FHIT: variants seen among roughly 807,000 people sequenced by gnomAD.
FHIT encodes the protein bis(5'-adenosyl)-triphosphatase.
FHIT carries 19 observed loss-of-function variants against 17.9 expected under a neutral mutation model. The observed-to-expected ratio is 1.06, with a 90% CI of 0.74 to 1.56. The LOEUF is 1.56. Among genes scored for constraint, FHIT ranks in the 40% most tolerant of loss-of-function variants. FHIT has a pLI of 0.00. For synonymous variants in FHIT, 81 were observed against 69.7 expected, an observed-to-expected ratio of 1.16 and a Z score of -0.81; for missense variants, 248 against 189.2, an observed-to-expected ratio of 1.31 and a Z score of -1.82.
rs576285399 is a variant in FHIT at position 60,566,357 on chromosome 3, C to T, written c.-17-29378G>A. On this transcript the variant is annotated intron_variant, in intron 4 of 9. Transcript: ENST00000492590. ...ATATAAACAGAACCAACGACAAAAACCACATGATTATCTCAATAGATGCAG... is the reference window on the plus strand; with the variant it reads ...ATATAAACAGAACCAACGACAAAAATCACATGATTATCTCAATAGATGCAG... Among the ~76,000 whole-genome samples, 25 of 152,124 alleles carry T rather than the reference C, an allele frequency of 1.6e-4. 1 individual carries two copies. Among genetic ancestry groups the T allele is most frequent in the African/African-American group, 6.0e-4 (25 of 41,478 alleles).
chr3:60,291,236 T>C (rs893142332), intron 5 of FHIT, among the ~76,000 whole-genome samples: 4 of 152,034 alleles, frequency 2.6e-5, no homozygotes, highest in Admixed American at 6.6e-5. Flanking sequence ...GTTTTATAGA[T>C]ACCTGGTGAG....
chr3:60,415,055 T>A (rs926700507), intron 5 of FHIT, among the ~76,000 whole-genome samples: 2 of 152,140 alleles, frequency 1.3e-5, no homozygotes, highest in African/African-American at 2.4e-5. Flanking sequence ...CCCGGGAATG[T>A]GCACTTTAAT....
chr3:60,638,948 T>C (rs2039657936), intron 4 of FHIT, among the ~76,000 whole-genome samples: 2 of 148,748 alleles, frequency 1.3e-5, no homozygotes, highest in Admixed American at 6.8e-5. Context: ...TATGAATGAA[T>C]AACTTCATAC....
At chr3:60,292,255 T>C (rs1196821744) in intron 5 of FHIT, among the ~76,000 whole-genome samples, 3 of 152,128 alleles carry the variant, frequency 2.0e-5, no homozygotes, top group Admixed American at 1.3e-4. Flanking sequence ...TGTTAAAAAG[T>C]CTTTTTTTAA....
At chr3:61,206,450 G>C (rs1053289919) in intron 1 of FHIT, among the ~76,000 whole-genome samples, 74 of 151,952 alleles carry the variant, frequency 4.9e-4, no homozygotes, top group African/African-American at 1.8e-3. Context: ...CTACCCATGG[G>C]CATGGAATGT....
chr3:60,601,188 G>A lies in FHIT; in HGVS notation c.-17-64209C>T, dbSNP rs1226343312. On this transcript the variant is annotated intron_variant, in intron 4 of 9. Coordinates refer to ENST00000492590, the MANE Select transcript of FHIT (RefSeq NM_002012.4). ...AATAGGATCTCGGAAGATACAGCAG[G>A]GATCAGGTCGCCCAGTGTGGGCTGC... Among the ~76,000 whole-genome samples the A allele has an allele frequency of 1.8e-4, 28 of 152,308 alleles. No individual in the cohort carries two copies. In the East Asian group the frequency reaches 3.7e-3, roughly 20 times the overall value.
intron 3 of FHIT, among the ~76,000 whole-genome samples, chr3:60,920,094 T>C (rs1247449663): frequency 6.6e-6 from 1 of 152,112 alleles, no homozygotes; most frequent in Non-Finnish European, 1.5e-5. Context: ...CATTCACTTC[T>C]ATGTGAGTTT....
intron 5 of FHIT, among the ~76,000 whole-genome samples, chr3:60,320,645 A>C (rs920398394): frequency 4.6e-5 from 7 of 152,200 alleles, no homozygotes; most frequent in African/African-American, 7.2e-5. Context: ...TCAGACATTC[A>C]CATAAATCTT....
intron 4 of FHIT, among the ~76,000 whole-genome samples, chr3:60,806,879 G>C (rs75855609): frequency 2.6e-5 from 4 of 152,184 alleles, no homozygotes; most frequent in African/African-American, 7.2e-5. Flanking sequence ...CCATCAAGGG[G>C]TGAGGCCAAC....
At chr3:61,246,918 G>A (rs1008268370) in intron 1 of FHIT, among the ~76,000 whole-genome samples, 2 of 152,016 alleles carry the variant, frequency 1.3e-5, no homozygotes, top group African/African-American at 4.8e-5. Context: ...CACCTCTGCA[G>A]CCTTATTCTC....
At chr3:59,870,702 G>A (rs1702878266) in intron 8 of FHIT, among the ~76,000 whole-genome samples, 1 of 152,144 alleles carries the variant, frequency 6.6e-6, no homozygotes, top group Admixed American at 6.5e-5. Context: ...AAACCAGGGA[G>A]CCCAGCCTCT....
At chr3:60,903,651 A>C (rs1400978103) in intron 3 of FHIT, among the ~76,000 whole-genome samples, 1 of 152,248 alleles carries the variant, frequency 6.6e-6, no homozygotes, top group African/African-American at 2.4e-5. Flanking sequence ...GCTGTCATAT[A>C]ATATTATCAC....
Position 61,086,245 on chromosome 3 carries a change from T to G in FHIT, c.-163-44146A>C, listed in dbSNP as rs1040802759. Among the ~76,000 whole-genome samples, 6 of 152,160 alleles carry G rather than the reference T, an allele frequency of 3.9e-5. No individual in the cohort carries two copies. In the East Asian group the frequency reaches 5.8e-4, roughly 15 times the overall value. ...TTTGCTGTAGTTTTTAAAAAATATA[T>G]AGAGAGTCTTTATTAAGGATGTTTA... On this transcript the variant is annotated intron_variant, in intron 2 of 9. Coordinates refer to ENST00000492590, the MANE Select transcript of FHIT (RefSeq NM_002012.4).
At chr3:60,771,063 G>A (rs781916223) in intron 4 of FHIT, among the ~76,000 whole-genome samples, 1 of 152,168 alleles carries the variant, frequency 6.6e-6, no homozygotes, top group Non-Finnish European at 1.5e-5. Flanking sequence ...TAAGCCATAA[G>A]CAGTGAATGA....
intron 3 of FHIT, among the ~76,000 whole-genome samples, chr3:60,954,456 G>A (rs1183982553): frequency 6.6e-6 from 1 of 152,166 alleles, no homozygotes; most frequent in Non-Finnish European, 1.5e-5. Context: ...TGCTACTCTA[G>A]TTATTTTAAA....
intron 4 of FHIT, among the ~76,000 whole-genome samples, chr3:60,595,715 C>T (rs1315529781): frequency 6.6e-6 from 1 of 151,912 alleles, no homozygotes; most frequent in African/African-American, 2.4e-5. Context: ...GCAGTTATAG[C>T]TCACTGAAGC....
intron 1 of FHIT, among the ~76,000 whole-genome samples, chr3:61,207,247 T>G (rs1274934569): frequency 1.3e-5 from 2 of 152,072 alleles, no homozygotes; most frequent in African/African-American, 2.4e-5. Flanking sequence ...GTTTCTGCAT[T>G]GATGTTCATC....
At chr3:60,154,498 TC>T (rs1311372345) in intron 5 of FHIT, among the ~76,000 whole-genome samples, 4 of 152,208 alleles carry the variant, frequency 2.6e-5, no homozygotes, top group African/African-American at 9.6e-5. Flanking sequence ...CATCAAGGAA[TC>T]ATTTATCTAA....
At chr3:60,649,385 G>C (rs1294596797) in intron 4 of FHIT, among the ~76,000 whole-genome samples, 1 of 152,158 alleles carries the variant, frequency 6.6e-6, no homozygotes, top group African/African-American at 2.4e-5. Flanking sequence ...CTGGGTGACA[G>C]AGCGAGAGTC....
Sources: gnomAD v4.1 joint callset for allele counts (sites outside exome capture counted in the v4.1 genomes callset) on GRCh38, gnomAD v4.1.1 for gene constraint, MANE v1.5 for transcripts, NCBI Gene and HGNC (gene_info 2026-07-23, HGNC 2026-07-21) for gene names.